Variants in GGA1 observed in about 807,000 individuals in gnomAD.
The protein encoded by GGA1 is golgi associated, gamma adaptin ear containing, ARF binding protein 1.
Under a neutral mutation model 76.9 loss-of-function variants are expected in GGA1, and 18 were observed. The ratio of observed to expected loss-of-function variants is 0.23; its 90% CI spans 0.16 to 0.35. GGA1 has a LOEUF of 0.35. Among genes scored for constraint, GGA1 ranks in the 10% least tolerant of loss-of-function variants. The pLI is 1.00. For missense variants in GGA1, 755 were observed against 859.0 expected, an observed-to-expected ratio of 0.88 and a Z score of 1.51; for synonymous variants, 342 against 354.7, an observed-to-expected ratio of 0.96 and a Z score of 0.40.
chr22:37,629,610 G>T, intron 12 of GGA1, 84 bp downstream of exon 12: 1 of 885,996 alleles, frequency 1.1e-6, no homozygotes, highest in Non-Finnish European at 1.7e-6. Context: ...GAAACTAAAA[G>T]GATGGATGGG....
At chr22:37,631,939 G>A (rs1342408135) in intron 14 of GGA1, 57 bp from the exon 15 acceptor site, 6 of 1,499,432 alleles carry the variant, frequency 4.0e-6, no homozygotes, top group Non-Finnish European at 5.5e-6. Context: ...GGGGCTGGGG[G>A]CTGAGCGGAT....
chr22:37,629,401 G>C, intron 11 of GGA1, 61 bp from the exon 12 acceptor site: 1 of 1,200,310 alleles, frequency 8.3e-7, no homozygotes, highest in East Asian at 2.6e-5. Context: ...ATGGCCCCTC[G>C]GCTCTCTGGC....
At chr22:37,611,349 G>A (rs572723354) in intron 1 of GGA1, among the ~76,000 whole-genome samples, 2 of 151,746 alleles carry the variant, frequency 1.3e-5, no homozygotes, top group Admixed American at 6.6e-5. Flanking sequence ...GGGCTCCAGA[G>A]CCCTCCGAAA....
intron 1 of GGA1, among the ~76,000 whole-genome samples, chr22:37,612,203 A>G (rs772563061): frequency 6.6e-6 from 1 of 150,502 alleles, no homozygotes; most frequent in African/African-American, 2.5e-5. Context: ...AGTGGCTCAC[A>G]CCTGTAATTC....
At chr22:37,620,677 A>C in intron 5 of GGA1, 136 bp from the exon 6 acceptor site, 1 of 686,544 alleles carries the variant, frequency 1.5e-6, no homozygotes, top group Non-Finnish European at 2.6e-6. Flanking sequence ...CAGGCCACTA[A>C]GAGTCCAGAG....
intron 2 of GGA1, 87 bp downstream of exon 2, chr22:37,614,361 G>C (rs1032381342): frequency 2.2e-6 from 2 of 900,278 alleles, no homozygotes; most frequent in African/African-American, 3.3e-5. Context: ...GTGGAGACCC[G>C]GTTTTCATTC....
intron 4 of GGA1, 46 bp downstream of exon 4, chr22:37,618,592 G>C: frequency 8.3e-7 from 1 of 1,198,584 alleles, no homozygotes; most frequent in South Asian, 1.2e-5. Flanking sequence ...TCGGATGTGG[G>C]GAGAGGAAAG....
chr22:37,632,076 C>T lies in GGA1; in HGVS notation c.1609C>T (p.Arg537Cys), dbSNP rs765521088. 63 of 1,613,642 alleles carry T rather than the reference C, an allele frequency of 3.9e-5. No individual in the cohort carries two copies. Among genetic ancestry groups the T allele is most frequent in the Middle Eastern group, 3.3e-4 (2 of 6,082 alleles). The change falls in exon 15 of 17, where the codon CGC (arginine) becomes TGC (cysteine). Residue 537 changes from arginine (R) to cysteine (C), a missense_variant. Physicochemically the swap from Arg to Cys is radical, Grantham distance 180. Transcript: ENST00000343632. This position sits in a 1 kb window ranked among gnomAD's most constrained non-coding sequence, Gnocchi z 5.1. Reference protein sequence around the residue: ...FHFARDPLPGRSDVLVVVVSM... With the variant: ...FHFARDPLPGCSDVLVVVVSM... ...TTTTGCCCGGGACCCACTGCCAGGGCGCTCCGACGTGCTGGTGGTGGTGGT... is the reference window on the plus strand; with the variant it reads ...TTTTGCCCGGGACCCACTGCCAGGGTGCTCCGACGTGCTGGTGGTGGTGGT...
At position 37,630,884 on chromosome 22, in the gene GGA1, G is replaced by A. The variant is rs1178143211; in HGVS notation, c.1332-19G>A. On this transcript the variant is annotated intron_variant, in intron 13 of 16. Transcript: ENST00000343632. ...CGCTGGCCAAGAATCACTTCTTAAT[G>A]CACTGTCCCCCGATTAAGGGAGAAG... is the stretch of plus-strand genomic sequence containing the variant. The A allele has an allele frequency of 6.9e-6, 11 of 1,584,770 alleles. No individual in the cohort carries two copies. Among genetic ancestry groups the A allele is most frequent in the Admixed American group, 1.7e-5 (1 of 57,602 alleles).
intron 11 of GGA1, 155 bp downstream of exon 11, chr22:37,626,104 T>A (rs1185256865): frequency 1.0e-5 from 5 of 494,568 alleles, no homozygotes; most frequent in Non-Finnish European, 1.7e-5. Flanking sequence ...CTGAGGAAAC[T>A]GAGGCTCGGG....
Position 37,632,051 on chromosome 22 carries a change from T to C in GGA1, c.1584T>C (p.His528=). The C allele has an allele frequency of 6.2e-7, 1 of 1,613,534 alleles. No individual in the cohort carries two copies. Among genetic ancestry groups the C allele is most frequent in the Non-Finnish European group, 8.5e-7 (1 of 1,179,918 alleles). The change falls in exon 15 of 17, where the codon CAT becomes CAC. Residue 528 remains histidine (H), a synonymous_variant. Transcript: ENST00000343632. This position sits in a 1 kb window ranked among gnomAD's most constrained non-coding sequence, Gnocchi z 5.1. ...AGCACGGCTTCCGCATCCTCTTCCA[T>C]TTTGCCCGGGACCCACTGCCAGGGC... ...YDQHGFRILF[H]FARDPLPGRS... is the part of the protein sequence containing the mutation.
chr22:37,627,171 G>GA (rs1468185867), intron 11 of GGA1: 1 of 152,110 alleles, frequency 6.6e-6, no homozygotes, highest in African/African-American at 2.4e-5. Context: ...ACAAAAAAAA[G>GA]AAAAAGAAAA....
At chr22:37,612,949 C>T in intron 1 of GGA1, 6 of 985,108 alleles carry the variant, frequency 6.1e-6, no homozygotes, top group Non-Finnish European at 7.2e-6. Context: ...TTGCCACTAT[C>T]CATTTCTGGA....
Position 37,625,663 on chromosome 22 carries a change from T to C in GGA1, c.941-134T>C. On this transcript the variant is annotated intron_variant, in intron 10 of 16. Coordinates refer to ENST00000343632, the MANE Select transcript of GGA1 (RefSeq NM_013365.5). The surrounding 1 kb of genome is among the most constrained non-coding windows in gnomAD (Gnocchi z 4.1). ...TGAGCAGTTTCCAGGCAGGGGCTGG[T>C]GTGGCCAAGGAAGGGGAGGCAGGAG... 2 of 572,680 alleles carry C rather than the reference T, an allele frequency of 3.5e-6. No homozygotes were observed. The highest frequency in any genetic ancestry group is 6.0e-6 in the Non-Finnish European group (2 of 336,044). 35.5% of individuals were successfully genotyped at this position (572,680 alleles called of 1,614,324 possible). A position where few individuals can be genotyped will look rare whatever the true frequency, so the allele number is the denominator to read the frequency against.
chr22:37,624,415 T>G lies in GGA1; in HGVS notation c.833-554T>G, dbSNP rs1303885314. On this transcript the variant is annotated intron_variant, in intron 9 of 16. Transcript: ENST00000343632. The surrounding 1 kb of genome is among the most constrained non-coding windows in gnomAD (Gnocchi z 4.3). ...GAGTTCAAGACCAGCCTGGGTAACATAGAGAGACCCAGTCTCTATTTCAAA... is the reference window on the plus strand; with the variant it reads ...GAGTTCAAGACCAGCCTGGGTAACAGAGAGAGACCCAGTCTCTATTTCAAA... 2 of 142,856 alleles carry G rather than the reference T, an allele frequency of 1.4e-5. No individual in the cohort carries two copies. The highest frequency in any genetic ancestry group is 7.1e-5 in the Admixed American group (1 of 14,024). 8.8% of individuals were successfully genotyped at this position (142,856 alleles called of 1,614,324 possible).
intron 5 of GGA1, 26 bp downstream of exon 5, chr22:37,620,387 G>A (rs370241593): frequency 1.3e-5 from 21 of 1,612,868 alleles, no homozygotes; most frequent in Admixed American, 6.7e-5. Flanking sequence ...GGTGGGGGGC[G>A]ACCAGGGCCT....
chr22:37,614,793 A>C (rs1247542134), intron 2 of GGA1, among the ~76,000 whole-genome samples: 5 of 152,232 alleles, frequency 3.3e-5, no homozygotes, highest in Admixed American at 6.5e-5. Context: ...AGCGTGGCCA[A>C]CATGGTGACA....
At chr22:37,617,475 A>G in intron 3 of GGA1, 1 of 998,044 alleles carries the variant, frequency 1.0e-6, no homozygotes, top group South Asian at 4.3e-5. Flanking sequence ...CATGGGCCAC[A>G]TACCAACCCA....
Position 37,624,825 on chromosome 22 carries a change from T to C in GGA1, c.833-144T>C. On this transcript the variant is annotated intron_variant, in intron 9 of 16. Transcript: ENST00000343632. This position sits in a 1 kb window ranked among gnomAD's most constrained non-coding sequence, Gnocchi z 4.3. ...CCAGGGAGGTGGCGGAGGGCCAGAG[T>C]CTCAGCAGACGAGATGGGCTGTTTC... 1 of 1,135,504 alleles carries C rather than the reference T, an allele frequency of 8.8e-7. No homozygotes were observed. Among genetic ancestry groups the C allele is most frequent in the Non-Finnish European group, 1.2e-6 (1 of 814,984 alleles). The allele number at this position is 1,135,504 out of a possible 1,614,324, so 70.3% of individuals were successfully genotyped here.
Sources: gnomAD v4.1 joint callset for allele counts (sites outside exome capture counted in the v4.1 genomes callset) on GRCh38, gnomAD v4.1.1 for gene constraint, Gnocchi (gnomAD v3.1) non-coding constraint, MANE v1.5 for transcripts, NCBI Gene and HGNC (gene_info 2026-07-23, HGNC 2026-07-21) for gene names.